The following TMC2 variants were observed in gnomAD, a reference collection of about 807,000 sequenced individuals.
TMC2 encodes the protein transmembrane channel-like protein 2.
TMC2 carries 102 observed loss-of-function variants against 105.9 expected under a neutral mutation model. That is an observed-to-expected ratio of 0.96 (90% CI 0.82 to 1.14). The LOEUF (loss-of-function observed/expected upper bound fraction) is 1.14. Ranked by LOEUF, TMC2 falls within the 50% of genes most tolerant of loss-of-function variation. The pLI, the probability that TMC2 is intolerant of heterozygous loss-of-function variation, is 0.00. For synonymous variants in TMC2, 402 were observed against 422.8 expected (o/e 0.95, Z 0.60); for missense variants, 1,093 against 1,134.3 (o/e 0.96, Z 0.52).
Position 2,537,308 on chromosome 20 carries a change from C to A in TMC2, c.74C>A (p.Pro25Gln). The change falls in exon 2 of 20, where the codon CCA becomes CAA. Residue 25 changes from proline to glutamine, a missense_variant. By Grantham distance (76) the Pro-to-Gln change is moderately conservative (BLOSUM62 -1). Coordinates refer to ENST00000358864, the MANE Select transcript of TMC2 (RefSeq NM_080751.3). ...AAAGGGCGGGTGAAGAGCGGCTCTC[C>A]ACACACAGGTGAGATGGGGTGGTGG... ...GVKGRVKSGS[P>Q]HTGDRLGRRS... 6.2e-7 allele frequency: 1 copy of A among 1,601,328 alleles called. No individual in the cohort carries two copies. Among genetic ancestry groups the A allele is most frequent in the Non-Finnish European group, 8.5e-7 (1 of 1,174,136 alleles).
chr20:2,583,544 C>T (rs1279605596), intron 7 of TMC2, among the ~76,000 whole-genome samples: 1 of 151,482 alleles, frequency 6.6e-6, no homozygotes, highest in Non-Finnish European at 1.5e-5. Context: ...CTCACTGCAA[C>T]CTCTGCCACC....
chr20:2,556,270 G>C (rs149733340), intron 2 of TMC2, among the ~76,000 whole-genome samples: 2 of 151,862 alleles, frequency 1.3e-5, no homozygotes, highest in African/African-American at 4.8e-5. Context: ...TAATAGAGAC[G>C]GGGTTTCACC....
Position 2,592,462 on chromosome 20 carries a change from A to G in TMC2, c.933+54A>G. 8.4e-7 allele frequency: 1 copy of G among 1,189,144 alleles called. No individual in the cohort carries two copies. The highest frequency in any genetic ancestry group is 1.3e-6 in the Non-Finnish European group (1 of 792,384). 73.7% of individuals were successfully genotyped at this position (1,189,144 alleles called of 1,614,324 possible). On this transcript the variant is annotated intron_variant, in intron 8 of 19. Transcript: ENST00000358864. The surrounding 1 kb of genome is among the most constrained non-coding windows in gnomAD (Gnocchi z 4.9). ...CCATTTGTGATTATAAAGGCTAAAG[A>G]TTGCATGGATAAGTATGAAATAGTG... is the stretch of plus-strand genomic sequence containing the variant.
rs1439640342 is a variant in TMC2, at chr20:2,599,539, A to ATTTTCTTTT, written c.1224+2245_1224+2246insCTTTTTTTT. 6.1e-4 allele frequency among the ~76,000 whole-genome samples: 52 copies of ATTTTCTTTT among 85,516 alleles called. 1 individual carries two copies. The highest frequency in any genetic ancestry group is 2.5e-3 in the African/African-American group (51 of 20,644). The allele number at this position is 85,516 out of a possible 152,430, so 56.1% of individuals were successfully genotyped here. A position where few individuals can be genotyped will look rare whatever the true frequency, so the allele number is the denominator to read the frequency against. ...CTTCGTTTTTTTTTTCTTTAATTAC[A>ATTTTCTTTT]TTTTTTTTTTTTTTTTTTTTTTTGG... On this transcript the variant is annotated intron_variant, in intron 10 of 19. Transcript: ENST00000358864.
intron 2 of TMC2, among the ~76,000 whole-genome samples, chr20:2,538,077 C>T (rs890559646): frequency 6.6e-6 from 1 of 151,266 alleles, no homozygotes; most frequent in South Asian, 2.1e-4. Context: ...CCACTCCCTC[C>T]TGTGGGAGGG....
At chr20:2,603,992 T>C (rs1358911540) in intron 11 of TMC2, among the ~76,000 whole-genome samples, 1 of 152,128 alleles carries the variant, frequency 6.6e-6, no homozygotes, top group Non-Finnish European at 1.5e-5. Context: ...ACTCCACTAA[T>C]GTTCAACACA....
chr20:2,577,924 T>C (rs1300367075), intron 5 of TMC2, among the ~76,000 whole-genome samples: 1 of 152,020 alleles, frequency 6.6e-6, no homozygotes, highest in Non-Finnish European at 1.5e-5. Context: ...CATCTTCTGC[T>C]GACTTTATTT....
chr20:2,586,322 C>T (rs2086231858), intron 7 of TMC2, among the ~76,000 whole-genome samples: 1 of 152,150 alleles, frequency 6.6e-6, no homozygotes, highest in Non-Finnish European at 1.5e-5. Flanking sequence ...TATAGACATG[C>T]CTGTGTTCAA....
chr20:2,624,184 T>C lies in TMC2; in HGVS notation c.2181-87T>C, dbSNP rs930166749. On this transcript the variant is annotated intron_variant, in intron 16 of 19. Transcript: ENST00000358864. ...GGAAAGCAGTGGCAGGCAGCAGCCC[T>C]GGACCTGGGTAGGGGGGCCATGGAC... 1.9e-5 allele frequency: 28 copies of C among 1,444,570 alleles called. No individual in the cohort carries two copies. The African/African-American group carries it at 2.0e-4, about 10-fold the overall frequency. 89.5% of individuals were successfully genotyped at this position (1,444,570 alleles called of 1,614,324 possible).
chr20:2,576,047 A>C (rs151006315), intron 5 of TMC2, among the ~76,000 whole-genome samples: 1 of 152,334 alleles, frequency 6.6e-6, no homozygotes, highest in East Asian at 1.9e-4. Flanking sequence ...ATATCAAAGA[A>C]TGGTGTCCCT....
intron 17 of TMC2, among the ~76,000 whole-genome samples, chr20:2,628,428 T>C (rs2086579402): frequency 6.6e-6 from 1 of 152,212 alleles, no homozygotes; most frequent in Non-Finnish European, 1.5e-5. Flanking sequence ...TTTCTATATA[T>C]AAATTTTGTA....
chr20:2,582,415 C>T (rs996007718), intron 7 of TMC2, among the ~76,000 whole-genome samples: 1 of 152,118 alleles, frequency 6.6e-6, no homozygotes, highest in South Asian at 2.1e-4. Flanking sequence ...CATAGTGAAC[C>T]AGAGGGTCCA....
intron 18 of TMC2, 95 bp downstream of exon 18, chr20:2,636,099 A>G: frequency 9.4e-7 from 1 of 1,068,932 alleles, no homozygotes; most frequent in Non-Finnish European, 1.4e-6. Context: ...TGTTATCTAA[A>G]TGGCTTTCTT....
rs1600128624 is a variant in TMC2, at chr20:2,610,276, C to T, written c.1414-143C>T. 9 of 674,058 alleles carry T rather than the reference C, an allele frequency of 1.3e-5. No individual in the cohort carries two copies. The East Asian group carries it at 2.6e-4, about 19-fold the overall frequency. The allele number at this position is 674,058 out of a possible 1,614,324, so 41.8% of individuals were successfully genotyped here. On this transcript the variant is annotated intron_variant, in intron 11 of 19. Coordinates refer to ENST00000358864, the MANE Select transcript of TMC2 (RefSeq NM_080751.3). ...TGATGCCTTTGCCAGGGTCACACAG[C>T]AAGCTGTGTAGACCCCAGGGCATCT...
intron 2 of TMC2, among the ~76,000 whole-genome samples, chr20:2,545,118 G>T (rs1292303794): frequency 6.6e-6 from 1 of 151,980 alleles, no homozygotes; most frequent in Non-Finnish European, 1.5e-5. Flanking sequence ...GATATGGGAG[G>T]ATCACTTGAG....
At chr20:2,589,270 C>CTGTGTGTGTG (rs750496572) in intron 7 of TMC2, among the ~76,000 whole-genome samples, 3,831 of 115,862 alleles carry the variant, frequency 0.033, 177 homozygotes, top group African/African-American at 0.044. Flanking sequence ...CCTATTTGCC[C>CTGTGTGTGTG]TGTGTGTGTG....
At chr20:2,599,385 G>A (rs2086333406) in intron 10 of TMC2, among the ~76,000 whole-genome samples, 1 of 151,526 alleles carries the variant, frequency 6.6e-6, no homozygotes, top group South Asian at 2.1e-4. Flanking sequence ...GTTTGAGGAG[G>A]TCTACAGAAC....
intron 18 of TMC2, among the ~76,000 whole-genome samples, chr20:2,636,766 GGC>G (rs368659791): frequency 0.48 from 65,525 of 135,692 alleles, 15,821 homozygotes; most frequent in East Asian, 0.61. Context: ...TGGGACTACA[GGC>G]GTGCATGCAC....
chr20:2,559,583 A>G (rs1371734844), intron 3 of TMC2, among the ~76,000 whole-genome samples: 1 of 152,096 alleles, frequency 6.6e-6, no homozygotes, highest in East Asian at 1.9e-4. Context: ...GAATATTAGG[A>G]TTATGGTGAA....
Sources: gnomAD v4.1 joint callset for allele counts (sites outside exome capture counted in the v4.1 genomes callset) on GRCh38, gnomAD v4.1.1 for gene constraint, Gnocchi (gnomAD v3.1) non-coding constraint, MANE v1.5 for transcripts, NCBI Gene and HGNC (gene_info 2026-07-23, HGNC 2026-07-21) for gene names.